MEF2A: variants seen among roughly 807,000 people sequenced by gnomAD.
MEF2A encodes myocyte enhancer factor 2A.
A neutral mutation model predicts 55.8 loss-of-function variants in MEF2A; 28 were observed. The observed-to-expected ratio is 0.50, with a 90% CI of 0.37 to 0.69. The LOEUF (loss-of-function observed/expected upper bound fraction) is 0.69, where lower values mean the gene tolerates loss of function less well. Among genes scored for constraint, MEF2A ranks in the 30% least tolerant of loss-of-function variants. MEF2A has a pLI of 0.00. For synonymous variants in MEF2A, 239 were observed against 227.1 expected (o/e 1.05, Z -0.47); for missense variants, 528 against 626.2 (o/e 0.84, Z 1.67).
chr15:99,703,223 A>C, intron 8 of MEF2A, 139 bp from the exon 9 acceptor site: 1 of 673,332 alleles, frequency 1.5e-6, no homozygotes, highest in Non-Finnish European at 2.6e-6. Context: ...TTATATTTCT[A>C]TCTGTTGTGT....
At position 99,665,874 on chromosome 15, in the gene MEF2A, A is replaced by C. The variant is rs140392807; in HGVS notation, c.259-5449A>C. On this transcript the variant is annotated intron_variant, in intron 4 of 11. Transcript: ENST00000557942. ...CTGGTCATTAGAGAAATGCAAATCA[A>C]AACCATCATGAGATACCATCTCAAG... Among the ~76,000 whole-genome samples the C allele has an allele frequency of 9.1e-3, 1,388 of 152,266 alleles. 22 individuals carry two copies. Among genetic ancestry groups the C allele is most frequent in the African/African-American group, 0.032 (1,324 of 41,508 alleles).
intron 2 of MEF2A, among the ~76,000 whole-genome samples, chr15:99,611,407 A>G (rs1254218732): frequency 6.6e-6 from 1 of 152,204 alleles, no homozygotes; most frequent in Non-Finnish European, 1.5e-5. Context: ...TAAATGACCA[A>G]TAGGCACATG....
At chr15:99,637,641 C>CT (rs745441432) in intron 3 of MEF2A, among the ~76,000 whole-genome samples, 182 of 145,998 alleles carry the variant, frequency 1.2e-3, no homozygotes, top group Middle Eastern at 0.011. Flanking sequence ...TATTGTCTGT[C>CT]TTTTTTTTTT....
chr15:99,710,627 T>A lies in MEF2A; in HGVS notation c.1010-7T>A, dbSNP rs764375970. The A allele has an allele frequency of 4.4e-6, 7 of 1,607,198 alleles. No individual in the cohort carries two copies. Among genetic ancestry groups the A allele is most frequent in the Non-Finnish European group, 6.0e-6 (7 of 1,174,210 alleles). On this transcript the variant is annotated splice_region_variant and splice_polypyrimidine_tract_variant and intron_variant, in intron 10 of 11. Coordinates refer to ENST00000557942, the MANE Select transcript of MEF2A (RefSeq NM_001319206.4). ...CATATGCAGAGCCCTCTTGTCTTCC[T>A]TTGTAGATTATTCACTGACCAGCGC...
At chr15:99,608,557 G>C (rs1013503096) in intron 2 of MEF2A, among the ~76,000 whole-genome samples, 1 of 151,750 alleles carries the variant, frequency 6.6e-6, no homozygotes, top group South Asian at 2.1e-4. Context: ...TTTTGTTTTG[G>C]TGTATTGACT....
intron 6 of MEF2A, 74 bp from the exon 7 acceptor site, chr15:99,675,322 GTTC>G (rs2051745592): frequency 8.2e-7 from 1 of 1,212,160 alleles, no homozygotes; most frequent in Non-Finnish European, 1.2e-6. Context: ...TCTCTATTCA[GTTC>G]ACGTTCAGTT....
At position 99,674,397 on chromosome 15, in the gene MEF2A, G is replaced by C. The variant is rs755601081; in HGVS notation, c.395G>C (p.Gly132Ala). ...SDFIFKRGPP[G>A]LPPQNFSMSV... ...CTTCTTTTTCTTTATTTACAGCCTG[G>C]TCTGCCACCTCAGAACTTTTCAATG... The change falls in exon 6 of 12, where the codon GGT becomes GCT. Residue 132 changes from glycine (G) to alanine (A), a missense_variant. By Grantham distance (60) the Gly-to-Ala change is moderately conservative. Transcript: ENST00000557942. The C allele has an allele frequency of 8.1e-6, 13 of 1,598,974 alleles. No individual in the cohort carries two copies. The South Asian group carries it at 1.1e-4, about 14-fold the overall frequency.
Position 99,569,983 on chromosome 15 carries a change from TTTAATA to T in MEF2A, c.-225+3880_-225+3885del, listed in dbSNP as rs1961441429. Among the ~76,000 whole-genome samples, 4 of 151,788 alleles carry T rather than the reference TTTAATA, an allele frequency of 2.6e-5. No individual in the cohort carries two copies. In the South Asian group the frequency reaches 8.3e-4, roughly 31 times the overall value. The stretch of plus-strand genomic sequence containing the variant: ...AGCACACGATATAGGTTGGTACTTA[TTTAATA>T]AGTACTAAATTTTTATATAGATGCT... On this transcript the variant is annotated intron_variant, in intron 1 of 11. Coordinates refer to ENST00000557942, the MANE Select transcript of MEF2A (RefSeq NM_001319206.4).
intron 1 of MEF2A, among the ~76,000 whole-genome samples, chr15:99,589,005 C>G (rs1290521097): frequency 2.0e-5 from 3 of 152,142 alleles, no homozygotes; most frequent in African/African-American, 7.2e-5. Flanking sequence ...CCAAGTGACA[C>G]TGGTATGAAG....
Position 99,631,374 on chromosome 15 carries a change from C to T in MEF2A, c.-142-1604C>T, listed in dbSNP as rs537906499. Among the ~76,000 whole-genome samples, 4 of 152,122 alleles carry T rather than the reference C, an allele frequency of 2.6e-5. No homozygotes were observed. The South Asian group carries it at 6.2e-4, about 24-fold the overall frequency. ...ACACAGCCTGTTTGATTGGGCCCCACGAGTGACTAGCCATCTTTCAGTTCC... is the reference window on the plus strand; with the variant it reads ...ACACAGCCTGTTTGATTGGGCCCCATGAGTGACTAGCCATCTTTCAGTTCC... On this transcript the variant is annotated intron_variant, in intron 2 of 11. Coordinates refer to ENST00000557942, the MANE Select transcript of MEF2A (RefSeq NM_001319206.4).
intron 4 of MEF2A, among the ~76,000 whole-genome samples, chr15:99,660,852 T>C (rs28716652): frequency 0.47 from 71,097 of 151,886 alleles, 17,994 homozygotes; most frequent in Middle Eastern, 0.62. Context: ...CTCTGTAGAG[T>C]TGATGAAATA....
chr15:99,709,866 C>T (rs758554378), intron 10 of MEF2A, among the ~76,000 whole-genome samples: 3 of 152,132 alleles, frequency 2.0e-5, no homozygotes, highest in Admixed American at 6.5e-5. Flanking sequence ...AGGGAGTTTG[C>T]GACAGTCTAG....
chr15:99,649,744 A>ATG (rs1259344487), intron 4 of MEF2A, among the ~76,000 whole-genome samples: 1 of 152,292 alleles, frequency 6.6e-6, no homozygotes, highest in East Asian at 1.9e-4. Flanking sequence ...ACACATGCAT[A>ATG]TGTGTGTAAT....
intron 2 of MEF2A, among the ~76,000 whole-genome samples, chr15:99,606,987 A>G (rs1975392388): frequency 6.6e-6 from 1 of 152,222 alleles, no homozygotes; most frequent in Non-Finnish European, 1.5e-5. Flanking sequence ...TACAGCTGTA[A>G]AAATGGAATA....
chr15:99,584,146 A>G (rs1966706165), intron 1 of MEF2A, among the ~76,000 whole-genome samples: 1 of 152,204 alleles, frequency 6.6e-6, no homozygotes, highest in Non-Finnish European at 1.5e-5. Flanking sequence ...TAGACTTAAT[A>G]TAGCACAGCT....
chr15:99,639,212 A>G (rs2044444380), intron 3 of MEF2A, among the ~76,000 whole-genome samples: 2 of 152,132 alleles, frequency 1.3e-5, no homozygotes, highest in South Asian at 4.1e-4. Flanking sequence ...AGTGAAAAAA[A>G]TTAGAGATTT....
At chr15:99,698,665 G>A (rs1022872334) in intron 8 of MEF2A, among the ~76,000 whole-genome samples, 3 of 151,984 alleles carry the variant, frequency 2.0e-5, no homozygotes, top group Non-Finnish European at 2.9e-5. Context: ...GGTGGCGCAT[G>A]CCTGTAATCC....
At position 99,594,925 on chromosome 15, in the gene MEF2A, G is replaced by A. The variant is rs191199516; in HGVS notation, c.-224-3505G>A. On this transcript the variant is annotated intron_variant, in intron 1 of 11. Transcript: ENST00000557942. The stretch of plus-strand genomic sequence containing the variant: ...TCATATATAGGTATTGATGTACAAC[G>A]TATATCTGAACCTGCTCAAATGTAC... 4.6e-5 allele frequency among the ~76,000 whole-genome samples: 7 copies of A among 152,242 alleles called. No individual in the cohort carries two copies. In the East Asian group the frequency reaches 1.2e-3, roughly 25 times the overall value.
At chr15:99,600,978 C>T (rs1972776574) in intron 2 of MEF2A, among the ~76,000 whole-genome samples, 1 of 152,144 alleles carries the variant, frequency 6.6e-6, no homozygotes. Context: ...CCCTAGAGAT[C>T]AATTTGGGAG....
Sources: allele counts gnomAD v4.1 joint callset (sites outside exome capture counted in the v4.1 genomes callset), GRCh38; gene constraint gnomAD v4.1.1; transcripts MANE v1.5; gene names NCBI Gene and HGNC (gene_info 2026-07-23, HGNC 2026-07-21).